SCARB2: variants seen among roughly 807,000 people sequenced by gnomAD.
SCARB2 encodes scavenger receptor class B member 2, also known as lysosome membrane protein 2.
SCARB2 carries 29 observed loss-of-function variants against 58.6 expected under a neutral mutation model. The ratio of observed to expected loss-of-function variants is 0.49; its 90% CI spans 0.37 to 0.67. SCARB2 has a LOEUF of 0.67. Ranked by LOEUF, SCARB2 falls within the 30% of genes least tolerant of loss-of-function variation. SCARB2 has a pLI of 0.00. For missense variants in SCARB2, 488 were observed against 578.5 expected (o/e 0.84, Z 1.60); for synonymous variants, 195 against 210.1 (o/e 0.93, Z 0.62).
chr4:76,217,549 C>G (rs1486854092), upstream of SCARB2: 2 of 469,014 alleles, frequency 4.3e-6, no homozygotes, highest in African/African-American at 3.9e-5. Flanking sequence ...ATGTGCCTCA[C>G]ACAGGTGTGC....
At position 76,161,646 on chromosome 4, in the gene SCARB2, G is replaced by A; in HGVS notation, c.*67C>T. On this transcript the variant is annotated 3_prime_UTR_variant, in exon 12 of 12. Transcript: ENST00000264896. The stretch of plus-strand genomic sequence containing the variant: ...GCAACAAGCCTGCAAGGAGGTGGAG[G>A]GTTTCCCCACGTCATCGTCCAGGTC... 2 of 1,532,920 alleles carry A rather than the reference G, an allele frequency of 1.3e-6. No individual in the cohort carries two copies. The highest frequency in any genetic ancestry group is 1.8e-6 in the Non-Finnish European group (2 of 1,106,134). 95.0% of individuals were successfully genotyped at this position (1,532,920 alleles called of 1,614,324 possible).
At chr4:76,217,545 C>T (rs76357627), upstream of SCARB2, 263 of 454,294 alleles carry the variant, frequency 5.8e-4, no homozygotes, top group East Asian at 8.6e-3. Flanking sequence ...GCCCATGTGC[C>T]TCACACAGGT....
chr4:76,227,342 C>T (rs13114306), intron 1 of SCARB2, among the ~76,000 whole-genome samples: 22,812 of 152,018 alleles, frequency 0.15, 2,044 homozygotes, highest in East Asian at 0.35. Context: ...ATTATTTGTA[C>T]AGTTTTGAGG....
At chr4:76,175,382 A>T (rs1359417038) in intron 6 of SCARB2, 2 of 251,206 alleles carry the variant, frequency 8.0e-6, no homozygotes, top group Non-Finnish European at 1.6e-5. Context: ...TGCTTGACAG[A>T]GCATATCATA....
chr4:76,187,565 CA>C (rs1337496128), intron 2 of SCARB2, among the ~76,000 whole-genome samples: 1 of 152,124 alleles, frequency 6.6e-6, no homozygotes, highest in Non-Finnish European at 1.5e-5. Context: ...CAAAATATAA[CA>C]TTGAAAAATC....
chr4:76,174,623 C>A, intron 6 of SCARB2: 1 of 359,668 alleles, frequency 2.8e-6, no homozygotes, highest in Non-Finnish European at 5.3e-6. Context: ...CCTCTCTAGA[C>A]CTGCATGGAC....
chr4:76,163,124 T>A (rs1274484953), intron 11 of SCARB2, 101 bp downstream of exon 11: 1 of 1,478,256 alleles, frequency 6.8e-7, no homozygotes, highest in Non-Finnish European at 9.4e-7. Context: ...AATCCCAGAA[T>A]TTATCCTAAT....
chr4:76,189,459 A>C (rs1302525058), intron 2 of SCARB2, among the ~76,000 whole-genome samples: 1 of 139,654 alleles, frequency 7.2e-6, no homozygotes, highest in African/African-American at 2.9e-5. Flanking sequence ...GCCCAGCAAA[A>C]GGGTTTTTGT....
chr4:76,186,408 C>T (rs1162976873), intron 2 of SCARB2, among the ~76,000 whole-genome samples: 1 of 151,968 alleles, frequency 6.6e-6, no homozygotes, highest in Non-Finnish European at 1.5e-5. Flanking sequence ...AACACATCAA[C>T]GTGAAAGGAG....
chr4:76,163,160 A>G, intron 11 of SCARB2, 65 bp downstream of exon 11: 1 of 1,592,854 alleles, frequency 6.3e-7, no homozygotes, highest in South Asian at 1.1e-5. Context: ...CCTTCAGTGA[A>G]GTACAGTTGA....
intron 6 of SCARB2, chr4:76,175,486 C>G (rs1194869562): frequency 5.1e-6 from 2 of 388,704 alleles, no homozygotes; most frequent in East Asian, 1.2e-4. Flanking sequence ...TCATAACAAC[C>G]TCTAACATAG....
At position 76,179,523 on chromosome 4, in the gene SCARB2, G is replaced by A. The variant is rs963757755; in HGVS notation, c.606C>T (p.Phe202=). The A allele has an allele frequency of 4.3e-6, 7 of 1,613,230 alleles. No homozygotes were observed. Among genetic ancestry groups the A allele is most frequent in the Non-Finnish European group, 5.1e-6 (6 of 1,179,146 alleles). ...RPDISPYFGL[F]YEKNGTNDGD... is the part of the protein sequence containing the mutation. The stretch of plus-strand genomic sequence containing the variant: ...AAAAGAAAAATCTACTTACCTCATA[G>A]AATAGGCCAAAATAGGGAGAGATAT... Residue 202 remains phenylalanine, a synonymous_variant, in exon 4 of 12, where the codon TTC becomes TTT. Coordinates refer to ENST00000264896, the MANE Select transcript of SCARB2 (RefSeq NM_005506.4).
intron 2 of SCARB2, chr4:76,192,347 C>T (rs1386424744): frequency 6.6e-6 from 1 of 152,170 alleles, no homozygotes; most frequent in East Asian, 1.9e-4. Context: ...AAATGAGGAA[C>T]TTATTGGGAC....
At chr4:76,213,315 T>C (rs972825069) in intron 1 of SCARB2, 112 bp downstream of exon 1, 2 of 775,654 alleles carry the variant, frequency 2.6e-6, no homozygotes, top group Non-Finnish European at 4.6e-6. Context: ...AGAAGAGCTC[T>C]AGCGCGGAGG....
intron 1 of SCARB2, among the ~76,000 whole-genome samples, chr4:76,222,870 T>G (rs1733333190): frequency 6.6e-6 from 1 of 152,120 alleles, no homozygotes; most frequent in Non-Finnish European, 1.5e-5. Context: ...AGCGCCTAGT[T>G]TAAGTCTTGG....
At chr4:76,175,561 C>T (rs1732235449) in intron 6 of SCARB2, 2 of 548,598 alleles carry the variant, frequency 3.6e-6, no homozygotes, top group Non-Finnish European at 6.5e-6. Context: ...AAGTAATTTG[C>T]CCAAGGTCAC....
intron 2 of SCARB2, among the ~76,000 whole-genome samples, chr4:76,184,983 C>T (rs977745857): frequency 4.6e-5 from 7 of 152,074 alleles, no homozygotes; most frequent in Non-Finnish European, 5.9e-5. Flanking sequence ...AATAGATTCC[C>T]GTTTTACTTA....
chr4:76,208,413 T>TGCTATA (rs1376571745), intron 1 of SCARB2, among the ~76,000 whole-genome samples: 1 of 152,218 alleles, frequency 6.6e-6, no homozygotes, highest in Non-Finnish European at 1.5e-5. Flanking sequence ...CCGTTTACAG[T>TGCTATA]GCTATAGTTT....
intron 4 of SCARB2, 73 bp downstream of exon 4, chr4:76,179,444 G>A: frequency 2.8e-6 from 3 of 1,064,218 alleles, no homozygotes; most frequent in Non-Finnish European, 4.4e-6. Flanking sequence ...GAAACTCAAA[G>A]TTAATCTGGC....
Sources: allele counts gnomAD v4.1 joint callset (sites outside exome capture counted in the v4.1 genomes callset), GRCh38; gene constraint gnomAD v4.1.1; transcripts MANE v1.5; gene names NCBI Gene and HGNC (gene_info 2026-07-23, HGNC 2026-07-21).